SH3D19: variants seen among roughly 807,000 people sequenced by gnomAD.
SH3D19 encodes the protein SH3 domain containing 19, also known as SH3 domain-containing protein 19.
A neutral mutation model predicts 112.1 loss-of-function variants in SH3D19; 58 were observed. That is an observed-to-expected ratio of 0.52 (90% confidence interval 0.42 to 0.64). The LOEUF (loss-of-function observed/expected upper bound fraction) is 0.64, where lower values mean the gene tolerates loss of function less well. SH3D19 is among the 30% of genes least tolerant of loss of function. SH3D19 has a pLI of 0.00. For missense variants in SH3D19, 1,090 were observed against 1,263.4 expected, an observed-to-expected ratio of 0.86 and a Z score of 2.08; for synonymous variants, 391 against 448.5, an observed-to-expected ratio of 0.87 and a Z score of 1.62.
intron 10 of SH3D19, among the ~76,000 whole-genome samples, chr4:151,149,054 A>G (rs964667576): frequency 7.9e-5 from 12 of 152,096 alleles, no homozygotes; most frequent in African/African-American, 2.7e-4. Context: ...AAATAAATAA[A>G]TAAATTTCAA....
At chr4:151,210,834 T>C (rs1352268825) in intron 2 of SH3D19, among the ~76,000 whole-genome samples, 1 of 152,236 alleles carries the variant, frequency 6.6e-6, no homozygotes, top group Non-Finnish European at 1.5e-5. Flanking sequence ...AAACTTTCTA[T>C]AATAGGCACG....
chr4:151,236,265 C>T (rs937259741), intron 1 of SH3D19, among the ~76,000 whole-genome samples: 3 of 152,250 alleles, frequency 2.0e-5, no homozygotes, highest in Non-Finnish European at 4.4e-5. Flanking sequence ...GGGCTGCGCC[C>T]GGGGCTTGCG....
intron 1 of SH3D19, among the ~76,000 whole-genome samples, chr4:151,301,082 C>G (rs958942040): frequency 6.6e-6 from 1 of 152,188 alleles, no homozygotes; most frequent in African/African-American, 2.4e-5. Context: ...TGTGTCCCCA[C>G]CCAAATCTCA....
At chr4:151,146,797 G>A (rs1421526747) in intron 11 of SH3D19, among the ~76,000 whole-genome samples, 2 of 152,120 alleles carry the variant, frequency 1.3e-5, no homozygotes, top group Non-Finnish European at 2.9e-5. Flanking sequence ...GCCTCCCAAA[G>A]TGCTGGGATT....
At chr4:151,274,985 A>C (rs903398288) in intron 1 of SH3D19, among the ~76,000 whole-genome samples, 10 of 151,988 alleles carry the variant, frequency 6.6e-5, no homozygotes, top group Non-Finnish European at 1.3e-4. Context: ...TGAGATTAGA[A>C]CCCAACCTAA....
intron 1 of SH3D19, chr4:151,279,166 G>A (rs1334900113): frequency 9.9e-6 from 4 of 402,368 alleles, no homozygotes; most frequent in African/African-American, 6.4e-5. Flanking sequence ...TCTACAACAC[G>A]TCTTGAGTAT....
intron 1 of SH3D19, among the ~76,000 whole-genome samples, chr4:151,234,753 T>G (rs1769897236): frequency 1.5e-5 from 2 of 130,852 alleles, no homozygotes; most frequent in Non-Finnish European, 3.2e-5. Flanking sequence ...TTTTTTTTTT[T>G]TTTTTTTTTT....
chr4:151,312,305 T>G (rs1457007101), intron 1 of SH3D19, among the ~76,000 whole-genome samples: 1 of 152,174 alleles, frequency 6.6e-6, no homozygotes, highest in East Asian at 1.9e-4. Context: ...CAGTTCAAAT[T>G]ATAAGAAATC....
At chr4:151,208,563 T>G (rs2149900417) in intron 2 of SH3D19, among the ~76,000 whole-genome samples, 1 of 151,968 alleles carries the variant, frequency 6.6e-6, no homozygotes, top group African/African-American at 2.4e-5. Flanking sequence ...AGAAATGGGG[T>G]TTCACCATGT....
intron 9 of SH3D19, among the ~76,000 whole-genome samples, chr4:151,157,096 CA>C (rs1756255606): frequency 6.6e-6 from 1 of 151,792 alleles, no homozygotes; most frequent in Admixed American, 6.6e-5. Flanking sequence ...ACAAAAAATA[CA>C]AAAAATTAGC....
intron 2 of SH3D19, among the ~76,000 whole-genome samples, chr4:151,221,300 G>A (rs561345799): frequency 8.8e-4 from 133 of 151,032 alleles, no homozygotes; most frequent in Non-Finnish European, 1.5e-3. Context: ...GAGGAGAACC[G>A]AAAAACATAC....
intron 2 of SH3D19, among the ~76,000 whole-genome samples, chr4:151,195,917 A>C (rs1039324284): frequency 2.1e-4 from 31 of 151,130 alleles, no homozygotes; most frequent in Admixed American, 3.9e-4. Flanking sequence ...ATGTAAGAGA[A>C]GTTCTTAAAA....
At chr4:151,194,753 T>C (rs1250480530) in intron 2 of SH3D19, among the ~76,000 whole-genome samples, 1 of 152,038 alleles carries the variant, frequency 6.6e-6, no homozygotes, top group Non-Finnish European at 1.5e-5. Flanking sequence ...TCTTCATTTT[T>C]CGTCAAACGA....
At chr4:151,151,249 C>T (rs903332598) in intron 9 of SH3D19, among the ~76,000 whole-genome samples, 7 of 152,194 alleles carry the variant, frequency 4.6e-5, no homozygotes, top group Non-Finnish European at 8.8e-5. Context: ...GCGTGAGCCA[C>T]CACACCCAGT....
intron 9 of SH3D19, among the ~76,000 whole-genome samples, chr4:151,155,801 A>T (rs1235074759): frequency 6.6e-6 from 1 of 152,180 alleles, no homozygotes; most frequent in Non-Finnish European, 1.5e-5. Context: ...AGGCAGGAGA[A>T]CTGCTTGAAC....
chr4:151,254,163 A>G (rs900665888), intron 1 of SH3D19, among the ~76,000 whole-genome samples: 3 of 152,168 alleles, frequency 2.0e-5, no homozygotes, highest in Admixed American at 1.3e-4. Flanking sequence ...GTAAAACACT[A>G]TCAGGCTTCT....
chr4:151,146,522 T>G (rs906545297), intron 11 of SH3D19, among the ~76,000 whole-genome samples: 3 of 151,720 alleles, frequency 2.0e-5, no homozygotes, highest in Non-Finnish European at 4.4e-5. Flanking sequence ...ATCAACTGTT[T>G]TTGTTGTTGT....
At chr4:151,180,695 T>G (rs1006224747) in intron 3 of SH3D19, among the ~76,000 whole-genome samples, 1 of 147,764 alleles carries the variant, frequency 6.8e-6, no homozygotes, top group Non-Finnish European at 1.5e-5. Flanking sequence ...TGTGAGCCAC[T>G]GCGCCCGACA....
At chr4:151,265,328 C>T (rs543690241) in intron 1 of SH3D19, among the ~76,000 whole-genome samples, 1 of 149,390 alleles carries the variant, frequency 6.7e-6, no homozygotes, top group South Asian at 2.1e-4. Flanking sequence ...GGTAAACTCA[C>T]TACACATGTG....
Sources: allele counts gnomAD v4.1 joint callset (sites outside exome capture counted in the v4.1 genomes callset), GRCh38; gene constraint gnomAD v4.1.1; transcripts MANE v1.5; gene names NCBI Gene and HGNC (gene_info 2026-07-23, HGNC 2026-07-21).